APBA2: variants seen among roughly 807,000 people sequenced by gnomAD.
The protein encoded by APBA2 is amyloid beta precursor protein binding family A member 2.
Under a neutral mutation model 75.0 loss-of-function variants are expected in APBA2, and 30 were observed. That is an observed-to-expected ratio of 0.40 (90% CI 0.30 to 0.54). The LOEUF (loss-of-function observed/expected upper bound fraction) is 0.54, where lower values mean the gene tolerates loss of function less well. Among genes scored for constraint, APBA2 ranks in the 20% least tolerant of loss-of-function variants. The probability of loss-of-function intolerance (pLI) is 0.49; values close to 1 mark genes in which losing one functional copy is unlikely to be tolerated. For synonymous variants in APBA2, 444 were observed against 409.6 expected, an observed-to-expected ratio of 1.08 and a Z score of -1.01; for missense variants, 801 against 1,016.1, an observed-to-expected ratio of 0.79 and a Z score of 2.88.
At chr15:28,961,177 A>T (rs1201714926) in intron 2 of APBA2, 1 of 152,160 alleles carries the variant, frequency 6.6e-6, no homozygotes, top group Non-Finnish European at 1.5e-5. Context: ...ATCCCCATAT[A>T]CGCTTAAAAA....
intron 1 of APBA2, among the ~76,000 whole-genome samples, chr15:28,891,697 ACT>A (rs2032141120): frequency 6.6e-6 from 1 of 152,088 alleles, no homozygotes; most frequent in Admixed American, 6.5e-5. Flanking sequence ...TGGTTCTGAA[ACT>A]CTCAGGCAAG....
chr15:28,989,116 G>A (rs1028014127), intron 2 of APBA2, among the ~76,000 whole-genome samples: 6 of 152,216 alleles, frequency 3.9e-5, no homozygotes, highest in African/African-American at 1.4e-4. Flanking sequence ...GTGAATGACT[G>A]GCCATATCTT....
intron 3 of APBA2, among the ~76,000 whole-genome samples, chr15:29,004,406 T>G (rs1366180474): frequency 2.0e-5 from 3 of 152,196 alleles, no homozygotes; most frequent in Admixed American, 6.5e-5. Context: ...CAGCCCTAGC[T>G]TAGCCTAGTG....
intron 2 of APBA2, among the ~76,000 whole-genome samples, chr15:28,923,702 G>C (rs879584741): frequency 6.6e-6 from 1 of 152,188 alleles, no homozygotes; most frequent in African/African-American, 2.4e-5. Context: ...CAGGGGTCAG[G>C]ATAGTCCTCC....
chr15:29,002,049 G>T (rs768359259), intron 3 of APBA2, among the ~76,000 whole-genome samples: 1 of 152,200 alleles, frequency 6.6e-6, no homozygotes, highest in African/African-American at 2.4e-5. Flanking sequence ...GTCACATTAG[G>T]TTGGGAAGTG....
chr15:28,942,257 C>T (rs1212368371), intron 2 of APBA2, among the ~76,000 whole-genome samples: 1 of 152,210 alleles, frequency 6.6e-6, no homozygotes, highest in African/African-American at 2.4e-5. Flanking sequence ...GGCCGCGCTC[C>T]TTCCTGCAGC....
chr15:29,024,483 T>G (rs187784062), intron 3 of APBA2, among the ~76,000 whole-genome samples: 5 of 152,292 alleles, frequency 3.3e-5, no homozygotes, highest in Admixed American at 3.3e-4. Flanking sequence ...CTAACTGGAA[T>G]GCACCCTCTT....
chr15:28,952,927 C>T (rs17680978), intron 2 of APBA2, among the ~76,000 whole-genome samples: 41,718 of 152,156 alleles, frequency 0.27, 9,015 homozygotes, highest in African/African-American at 0.58. Context: ...GAGATCGACT[C>T]ACATTTGTAC....
At chr15:29,076,269 A>C (rs866813417) in intron 6 of APBA2, among the ~76,000 whole-genome samples, 178 bp downstream of exon 6, 11 of 152,078 alleles carry the variant, frequency 7.2e-5, no homozygotes, top group Admixed American at 4.6e-4. Flanking sequence ...TGGGGAGGGG[A>C]GGTCCAGCTG....
chr15:28,950,941 C>T (rs912464670), intron 2 of APBA2, among the ~76,000 whole-genome samples: 18 of 152,312 alleles, frequency 1.2e-4, no homozygotes, highest in African/African-American at 4.1e-4. Context: ...CTATATGAAG[C>T]TCTTTCAGGT....
intron 8 of APBA2, among the ~76,000 whole-genome samples, chr15:29,094,768 T>C (rs1006326205): frequency 1.1e-4 from 16 of 152,162 alleles, no homozygotes; most frequent in African/African-American, 3.9e-4. Context: ...TTATTGGAAA[T>C]GAGTTTTTGG....
In APBA2 at chr15:28,935,555, A is replaced by G. The variant is rs75509934; in HGVS notation, c.-95+13806A>G. Among the ~76,000 whole-genome samples, 789 of 152,316 alleles carry G rather than the reference A, an allele frequency of 5.2e-3. 3 individuals are homozygous for G. The highest frequency in any genetic ancestry group is 8.0e-3 in the Non-Finnish European group (544 of 68,020). On this transcript the variant is annotated intron_variant, in intron 2 of 14. Transcript: ENST00000683413. ...GTAGAGGTATCTGGGGCTGAAGTTC[A>G]AGGTTGCAGCATGAAGTTCAGGGTT... is the stretch of plus-strand genomic sequence containing the variant.
chr15:29,064,500 C>A (rs924035667), intron 4 of APBA2, among the ~76,000 whole-genome samples: 1 of 152,178 alleles, frequency 6.6e-6, no homozygotes, highest in Non-Finnish European at 1.5e-5. Flanking sequence ...AGGCTCCAGA[C>A]GAGTTCCAGG....
At chr15:29,045,089 C>T (rs370068840) in intron 3 of APBA2, among the ~76,000 whole-genome samples, 4 of 128,824 alleles carry the variant, frequency 3.1e-5, no homozygotes, top group South Asian at 2.4e-4. Flanking sequence ...CTCTCTCTCT[C>T]TCTCTCTCTC....
At chr15:29,088,080 G>A (rs2043374445) in intron 6 of APBA2, among the ~76,000 whole-genome samples, 1 of 152,096 alleles carries the variant, frequency 6.6e-6, no homozygotes, top group African/African-American at 2.4e-5. Context: ...TCTGGCTCCT[G>A]CCCCGGTTCC....
chr15:28,924,931 GT>G (rs1473145466), intron 2 of APBA2, among the ~76,000 whole-genome samples: 1 of 152,094 alleles, frequency 6.6e-6, no homozygotes, highest in Non-Finnish European at 1.5e-5. Flanking sequence ...GTTAGTTTCT[GT>G]TTTTTGTTTC....
At chr15:28,929,073 A>T (rs771599820) in intron 2 of APBA2, among the ~76,000 whole-genome samples, 1 of 152,132 alleles carries the variant, frequency 6.6e-6, no homozygotes, top group African/African-American at 2.4e-5. Context: ...AGTCATGAGG[A>T]TGGGAGTGAT....
chr15:29,088,778 C>T (rs767397772), intron 6 of APBA2, among the ~76,000 whole-genome samples: 4 of 152,110 alleles, frequency 2.6e-5, no homozygotes, highest in African/African-American at 9.7e-5. Flanking sequence ...GCCTGTCACC[C>T]GTGGCCCCAG....
At chr15:29,107,816 C>G (rs1567023718) in intron 12 of APBA2, among the ~76,000 whole-genome samples, 1 of 152,216 alleles carries the variant, frequency 6.6e-6, no homozygotes. Flanking sequence ...TGGTCACTCC[C>G]TGCCCTGCAG....
Sources: allele counts gnomAD v4.1 joint callset (sites outside exome capture counted in the v4.1 genomes callset), GRCh38; gene constraint gnomAD v4.1.1; transcripts MANE v1.5; gene names NCBI Gene and HGNC (gene_info 2026-07-23, HGNC 2026-07-21).